Variants in TMCC1 observed in about 807,000 individuals in gnomAD.
TMCC1 encodes the protein transmembrane and coiled-coil domains protein 1.
Under a neutral mutation model 52.4 loss-of-function variants are expected in TMCC1, and 15 were observed. The ratio of observed to expected loss-of-function variants is 0.29; its 90% CI spans 0.19 to 0.44. TMCC1 has a LOEUF of 0.44. TMCC1 is among the 20% of genes least tolerant of loss of function. The pLI, the probability that TMCC1 is intolerant of heterozygous loss-of-function variation, is 1.00. For synonymous variants in TMCC1, 279 were observed against 301.9 expected (o/e 0.92, Z 0.79); for missense variants, 503 against 806.0 (o/e 0.62, Z 4.55).
intron 4 of TMCC1, among the ~76,000 whole-genome samples, chr3:129,813,352 T>C (rs755927421): frequency 1.3e-5 from 2 of 152,172 alleles, no homozygotes; most frequent in African/African-American, 4.8e-5. Flanking sequence ...CAAAGACACA[T>C]GCACATGTAT....
chr3:129,789,760 G>T (rs890596859), intron 4 of TMCC1, among the ~76,000 whole-genome samples: 2 of 152,140 alleles, frequency 1.3e-5, no homozygotes, highest in African/African-American at 4.8e-5. Context: ...GATTACAGGC[G>T]TGAGCCACCG....
intron 4 of TMCC1, among the ~76,000 whole-genome samples, chr3:129,700,317 A>C (rs1238761296): frequency 6.6e-6 from 1 of 152,226 alleles, no homozygotes; most frequent in African/African-American, 2.4e-5. Flanking sequence ...AAACCTATTA[A>C]GTTCAAAATC....
intron 5 of TMCC1, among the ~76,000 whole-genome samples, chr3:129,655,848 G>T (rs2086634400): frequency 6.6e-6 from 1 of 152,222 alleles, no homozygotes; most frequent in Non-Finnish European, 1.5e-5. Flanking sequence ...CTCCCAAAGT[G>T]CTGGGATTAC....
intron 4 of TMCC1, among the ~76,000 whole-genome samples, chr3:129,808,496 A>ATAC (rs2057596937): frequency 6.6e-6 from 1 of 151,420 alleles, no homozygotes; most frequent in Admixed American, 6.6e-5. Flanking sequence ...AATAATAATA[A>ATAC]TAATAATAAA....
chr3:129,729,033 T>C (rs1405325009), intron 4 of TMCC1, among the ~76,000 whole-genome samples: 2 of 152,188 alleles, frequency 1.3e-5, no homozygotes, highest in African/African-American at 4.8e-5. Context: ...AACATCAGTG[T>C]AGAGGATTTC....
chr3:129,670,459 G>C lies in TMCC1; in HGVS notation c.1382C>G (p.Ala461Gly). ...GATCTCCTGGATCTCATGTAGTAGT[G>C]CATCAAATCCTGAGCTCTGCATGTC... The part of the protein sequence containing the change: ...TLDMQSSGFD[A>G]LLHEIQEIRE... Residue 461 changes from alanine (A) to glycine (G), a missense_variant, in exon 5 of 7, where the codon GCA (alanine) becomes GGA (glycine). By Grantham distance (60) the Ala-to-Gly change is moderately conservative. Around this residue, in one of 7 missense-constraint regions of TMCC1, gnomAD observed 121 missense variants for 193.6 expected, o/e 0.62. Coordinates refer to ENST00000393238, the MANE Select transcript of TMCC1 (RefSeq NM_001017395.5). The C allele has an allele frequency of 1.2e-6, 2 of 1,614,152 alleles. No individual in the cohort carries two copies. Among genetic ancestry groups the C allele is most frequent in the South Asian group, 2.2e-5 (2 of 91,082 alleles).
At chr3:129,848,605 C>CT (rs1330808260) in intron 2 of TMCC1, among the ~76,000 whole-genome samples, 1 of 152,216 alleles carries the variant, frequency 6.6e-6, no homozygotes, top group African/African-American at 2.4e-5. Flanking sequence ...CAATCTAACT[C>CT]TGATTCCATA....
At chr3:129,803,861 G>A (rs2057323202) in intron 4 of TMCC1, among the ~76,000 whole-genome samples, 1 of 151,802 alleles carries the variant, frequency 6.6e-6, no homozygotes, top group Admixed American at 6.6e-5. Context: ...CAATTTCTTA[G>A]TCCTCGTCTA....
chr3:129,853,556 G>GAGGTCT (rs2107908649), intron 2 of TMCC1, among the ~76,000 whole-genome samples: 1 of 150,418 alleles, frequency 6.6e-6, no homozygotes, highest in African/African-American at 2.4e-5. Context: ...TTGAGCCCAG[G>GAGGTCT]AGGTCTAGGC....
intron 4 of TMCC1, among the ~76,000 whole-genome samples, chr3:129,679,150 G>C (rs1438886390): frequency 1.3e-5 from 2 of 152,176 alleles, no homozygotes; most frequent in Non-Finnish European, 2.9e-5. Context: ...TGGAACATGA[G>C]AGACAGGCAC....
intron 4 of TMCC1, among the ~76,000 whole-genome samples, chr3:129,772,099 C>T (rs981016652): frequency 1.4e-4 from 22 of 152,098 alleles, no homozygotes; most frequent in Non-Finnish European, 2.1e-4. Context: ...CAGTCCACAC[C>T]TGTAATCCCA....
intron 4 of TMCC1, among the ~76,000 whole-genome samples, chr3:129,718,388 A>G (rs1203849566): frequency 1.3e-5 from 2 of 152,224 alleles, no homozygotes; most frequent in East Asian, 3.8e-4. Context: ...ATGTGACACT[A>G]ATCACCTGAG....
chr3:129,745,344 A>G (rs2051839671), intron 4 of TMCC1, among the ~76,000 whole-genome samples: 1 of 152,256 alleles, frequency 6.6e-6, no homozygotes, highest in African/African-American at 2.4e-5. Context: ...GTGAGCACAG[A>G]GAATAACACC....
At chr3:129,808,934 A>C (rs946290664) in intron 4 of TMCC1, among the ~76,000 whole-genome samples, 5 of 151,200 alleles carry the variant, frequency 3.3e-5, no homozygotes, top group African/African-American at 7.3e-5. Flanking sequence ...AAAAAAAAAA[A>C]AAAACAAAGA....
At chr3:129,685,445 T>C (rs150640121) in intron 4 of TMCC1, among the ~76,000 whole-genome samples, 1 of 150,064 alleles carries the variant, frequency 6.7e-6, no homozygotes, top group Non-Finnish European at 1.5e-5. Flanking sequence ...TAAGGCTCAT[T>C]GGAGGAGGTA....
Position 129,670,281 on chromosome 3 carries a change from A to G in TMCC1, c.1511+49T>C, listed in dbSNP as rs764236714. 5 of 1,556,584 alleles carry G rather than the reference A, an allele frequency of 3.2e-6. No individual in the cohort carries two copies. The Admixed American group carries it at 9.1e-5, about 28-fold the overall frequency. On this transcript the variant is annotated intron_variant, in intron 5 of 6. Coordinates refer to ENST00000393238, the MANE Select transcript of TMCC1 (RefSeq NM_001017395.5). ...AAGCCATTTCCCCATATCTAAAGGG[A>G]GGGGAACCCTACACAAATAATTTCA...
chr3:129,859,592 T>G, intron 2 of TMCC1, among the ~76,000 whole-genome samples: 1 of 151,650 alleles, frequency 6.6e-6, no homozygotes, highest in Non-Finnish European at 1.5e-5. Flanking sequence ...AGCCATGATC[T>G]CACCACTGCA....
intron 4 of TMCC1, among the ~76,000 whole-genome samples, chr3:129,728,792 C>A (rs2050310153): frequency 6.6e-6 from 1 of 152,182 alleles, no homozygotes; most frequent in Non-Finnish European, 1.5e-5. Flanking sequence ...ATAGTCCTAT[C>A]TTTCTGAGAG....
chr3:129,737,808 T>C (rs548295599), intron 4 of TMCC1, among the ~76,000 whole-genome samples: 1 of 152,242 alleles, frequency 6.6e-6, no homozygotes, highest in African/African-American at 2.4e-5. Context: ...TTACCATAAT[T>C]TCTTGATATC....
Sources: allele counts gnomAD v4.1 joint callset (sites outside exome capture counted in the v4.1 genomes callset), GRCh38; gene constraint gnomAD v4.1.1; regional missense constraint gnomAD v4.1.1; transcripts MANE v1.5; gene names NCBI Gene and HGNC (gene_info 2026-07-23, HGNC 2026-07-21).